SORBS2: variants seen among roughly 807,000 people sequenced by gnomAD.
SORBS2 encodes the protein sorbin and SH3 domain containing 2, also known as sorbin and SH3 domain-containing protein 2.
A neutral mutation model predicts 97.7 loss-of-function variants in SORBS2; 46 were observed. The observed-to-expected ratio is 0.47, with a 90% CI of 0.37 to 0.60. The LOEUF is 0.60. Among genes scored for constraint, SORBS2 ranks in the 20% least tolerant of loss-of-function variants. The pLI is 0.00. For missense variants in SORBS2, 1,316 were observed against 1,282.3 expected, an observed-to-expected ratio of 1.03 and a Z score of -0.40; for synonymous variants, 476 against 473.4, an observed-to-expected ratio of 1.01 and a Z score of -0.07.
intron 1 of SORBS2, among the ~76,000 whole-genome samples, chr4:185,782,710 G>A (rs760787665): frequency 1.3e-5 from 2 of 152,250 alleles, no homozygotes; most frequent in Non-Finnish European, 2.9e-5. Context: ...AATGGTCACT[G>A]ACTGAGAAGA....
chr4:185,795,502 C>T (rs1270743272), intron 1 of SORBS2, among the ~76,000 whole-genome samples: 1 of 152,120 alleles, frequency 6.6e-6, no homozygotes, highest in African/African-American at 2.4e-5. Flanking sequence ...CTACATGTGG[C>T]TCCCGGGCAC....
At chr4:185,665,519 T>C (rs1297959295) in intron 4 of SORBS2, among the ~76,000 whole-genome samples, 1 of 152,234 alleles carries the variant, frequency 6.6e-6, no homozygotes. Flanking sequence ...TTAGAGTAAC[T>C]ATAAGTAATT....
intron 12 of SORBS2, among the ~76,000 whole-genome samples, chr4:185,599,648 A>G (rs1029712744): frequency 6.6e-6 from 1 of 152,240 alleles, no homozygotes; most frequent in Non-Finnish European, 1.5e-5. Context: ...TTTTCTTTGC[A>G]GGAGAAACGG....
intron 2 of SORBS2, among the ~76,000 whole-genome samples, chr4:185,748,519 C>A (rs895895769): frequency 2.6e-5 from 4 of 152,136 alleles, no homozygotes; most frequent in Non-Finnish European, 4.4e-5. Flanking sequence ...CACACAGAAG[C>A]AAAAGCAGCC....
At chr4:185,835,503 A>G (rs1048761284) in intron 1 of SORBS2, among the ~76,000 whole-genome samples, 19 of 152,224 alleles carry the variant, frequency 1.2e-4, no homozygotes, top group African/African-American at 4.1e-4. Flanking sequence ...CTAGATTACA[A>G]TGGAAAAATA....
At chr4:185,647,503 A>G (rs971908713) in intron 3 of SORBS2, among the ~76,000 whole-genome samples, 1 of 151,308 alleles carries the variant, frequency 6.6e-6, no homozygotes, top group Non-Finnish European at 1.5e-5. Flanking sequence ...ATCTCACTCA[A>G]ACTCCTGGGC....
intron 1 of SORBS2, among the ~76,000 whole-genome samples, chr4:185,923,945 T>C (rs1325281375): frequency 1.3e-5 from 2 of 152,194 alleles, no homozygotes; most frequent in African/African-American, 4.8e-5. Context: ...GCTCAATCAA[T>C]AAATGACCAT....
intron 1 of SORBS2, among the ~76,000 whole-genome samples, chr4:185,854,277 C>T (rs1438579607): frequency 5.9e-5 from 9 of 152,174 alleles, no homozygotes; most frequent in Admixed American, 1.3e-4. Context: ...AGCTTGGCTA[C>T]GAAATGCAGT....
chr4:185,678,581 T>C, intron 3 of SORBS2, 34 bp from the exon 7 acceptor site: 2 of 1,492,786 alleles, frequency 1.3e-6, no homozygotes, highest in Non-Finnish European at 1.8e-6. Flanking sequence ...GATACAAAAA[T>C]ATCTACGTTC....
At chr4:185,694,723 T>TTTTTTTTTTTTC (rs1489055314) in intron 2 of SORBS2, among the ~76,000 whole-genome samples, 1 of 147,472 alleles carries the variant, frequency 6.8e-6, no homozygotes, top group Non-Finnish European at 1.5e-5. Flanking sequence ...TTTCTTTTTT[T>TTTTTTTTTTTTC]TGAGACGGAG....
chr4:185,712,535 G>A (rs2098430945), intron 2 of SORBS2, among the ~76,000 whole-genome samples: 1 of 152,222 alleles, frequency 6.6e-6, no homozygotes, highest in Non-Finnish European at 1.5e-5. Flanking sequence ...CGCTGGCGGG[G>A]GTAGCTGCCT....
At chr4:185,800,022 A>C (rs1321484393) in intron 1 of SORBS2, among the ~76,000 whole-genome samples, 1 of 152,076 alleles carries the variant, frequency 6.6e-6, no homozygotes, top group African/African-American at 2.4e-5. Flanking sequence ...ACATGGTGAA[A>C]CCCGTCTCTG....
chr4:185,877,883 A>AAGAAAGAAAG (rs1554045186), intron 1 of SORBS2, among the ~76,000 whole-genome samples: 23 of 145,276 alleles, frequency 1.6e-4, no homozygotes, highest in African/African-American at 5.9e-4. Context: ...ACAAAAAAAA[A>AAGAAAGAAAG]AAAGAAAGAA....
intron 4 of SORBS2, chr4:185,677,078 T>A: frequency 6.4e-7 from 1 of 1,551,672 alleles, no homozygotes; most frequent in Non-Finnish European, 8.7e-7. Flanking sequence ...TTGCAGTCTC[T>A]GGAGAAAGCT....
intron 2 of SORBS2, among the ~76,000 whole-genome samples, chr4:185,730,483 C>A (rs756077722): frequency 6.6e-6 from 1 of 152,136 alleles, no homozygotes; most frequent in Non-Finnish European, 1.5e-5. Flanking sequence ...GGCCCTGGAG[C>A]TCTCACTATT....
chr4:185,848,618 C>CTTT lies in SORBS2; in HGVS notation c.-337-73255_-337-73253dup, dbSNP rs537195530. Among the ~76,000 whole-genome samples the CTTT allele has an allele frequency of 1.0e-3, 77 of 75,634 alleles. 5 individuals are homozygous for CTTT. The highest frequency in any genetic ancestry group is 2.8e-3 in the African/African-American group (49 of 17,236). 49.6% of individuals were successfully genotyped at this position (75,634 alleles called of 152,430 possible). On this transcript the variant is annotated intron_variant, in intron 1 of 20. Transcript: ENST00000284776. ...TTAAATGTTCTTTATAAGGATATCT[C>CTTT]TTTTTTTTTTTTTTTTTTTTTTTTT... is the stretch of plus-strand genomic sequence containing the variant.
At chr4:185,595,299 A>G (rs1374055593) in intron 12 of SORBS2, among the ~76,000 whole-genome samples, 2 of 152,216 alleles carry the variant, frequency 1.3e-5, no homozygotes, top group Non-Finnish European at 2.9e-5. Flanking sequence ...ACTGCACACA[A>G]TTATGACTTA....
intron 1 of SORBS2, among the ~76,000 whole-genome samples, chr4:185,929,523 T>C (rs943957028): frequency 2.1e-5 from 3 of 145,676 alleles, no homozygotes; most frequent in South Asian, 2.2e-4. Context: ...TTGTTGTTTT[T>C]TGTTGGGTTT....
Position 185,868,159 on chromosome 4 carries a change from C to CTTTCTTTTTT in SORBS2, c.-338+88036_-338+88037insAAAAAAGAAA, listed in dbSNP as rs59057506. ...TCTCTTTTCTTTTCTTTTTTTCTTT[C>CTTTCTTTTTT]TTTTTTTTTTTTTTTGAGGCAGAGT... On this transcript the variant is annotated intron_variant, in intron 1 of 20. Transcript: ENST00000284776. 1.6e-4 allele frequency among the ~76,000 whole-genome samples: 17 copies of CTTTCTTTTTT among 105,218 alleles called. 1 individual carries two copies. The highest frequency in any genetic ancestry group is 5.1e-4 in the African/African-American group (13 of 25,618). The allele number at this position is 105,218 out of a possible 152,430, so 69.0% of individuals were successfully genotyped here. A position where few individuals can be genotyped will look rare whatever the true frequency, so the allele number is the denominator to read the frequency against.
Sources: gnomAD v4.1 joint callset for allele counts (sites outside exome capture counted in the v4.1 genomes callset) on GRCh38, gnomAD v4.1.1 for gene constraint, MANE v1.5 for transcripts, NCBI Gene and HGNC (gene_info 2026-07-23, HGNC 2026-07-21) for gene names.